Variants in CAMTA1 observed in about 807,000 individuals in gnomAD.
CAMTA1 encodes calmodulin-binding transcription activator 1.
CAMTA1 carries 27 observed loss-of-function variants against 170.9 expected under a neutral mutation model. That is an observed-to-expected ratio of 0.16 (90% CI 0.12 to 0.22). The LOEUF is 0.22. Among genes scored for constraint, CAMTA1 ranks in the 10% least tolerant of loss-of-function variants. The pLI, the probability that CAMTA1 is intolerant of heterozygous loss-of-function variation, is 1.00. For missense variants in CAMTA1, 1,619 were observed against 2,217.2 expected, an observed-to-expected ratio of 0.73 and a Z score of 5.42; for synonymous variants, 833 against 891.5, an observed-to-expected ratio of 0.93 and a Z score of 1.17.
chr1:7,136,121 C>G (rs1645529708), intron 4 of CAMTA1, among the ~76,000 whole-genome samples: 1 of 152,310 alleles, frequency 6.6e-6, no homozygotes, highest in Admixed American at 6.5e-5. Context: ...CCACACACTA[C>G]TCTGTCCATA....
intron 6 of CAMTA1, among the ~76,000 whole-genome samples, chr1:7,543,687 G>C (rs1025225370): frequency 9.2e-5 from 14 of 152,208 alleles, no homozygotes; most frequent in Admixed American, 1.3e-4. Context: ...CAATTCTGAT[G>C]ATTCAGATGA....
rs2095310025 is a variant in CAMTA1 at position 7,586,371 on chromosome 1, TC to T, written c.511-54025del. 1.3e-5 allele frequency among the ~76,000 whole-genome samples: 2 copies of T among 152,114 alleles called. 1 individual carries two copies. Among genetic ancestry groups the T allele is most frequent in the South Asian group, 4.1e-4 (2 of 4,828 alleles). Reference sequence around the variant, plus strand: ...ATCGCAGAAGGCGCCTTATCTGCGCTCCCCAGAGGCCCGAGATAAAGCCCAT... The same window carrying T: ...ATCGCAGAAGGCGCCTTATCTGCGCTCCCAGAGGCCCGAGATAAAGCCCAT... On this transcript the variant is annotated intron_variant, in intron 6 of 22. Coordinates refer to ENST00000303635, the MANE Select transcript of CAMTA1 (RefSeq NM_015215.4).
intron 3 of CAMTA1, among the ~76,000 whole-genome samples, chr1:7,080,400 C>T (rs755588682): frequency 7.9e-5 from 12 of 152,166 alleles, no homozygotes; most frequent in Admixed American, 2.0e-4. Flanking sequence ...GACCTCAATA[C>T]GGCAATTTGA....
intron 11 of CAMTA1, among the ~76,000 whole-genome samples, chr1:7,729,877 G>A (rs182388512): frequency 1.8e-4 from 27 of 152,314 alleles, no homozygotes; most frequent in African/African-American, 4.8e-4. Context: ...CGCTTTGCTC[G>A]CTAGTCTTGG....
intron 5 of CAMTA1, among the ~76,000 whole-genome samples, chr1:7,406,315 G>A (rs1258438851): frequency 6.6e-6 from 1 of 152,176 alleles, no homozygotes; most frequent in African/African-American, 2.4e-5. Flanking sequence ...GGAAGGACGA[G>A]GCTGTTTCAG....
intron 3 of CAMTA1, among the ~76,000 whole-genome samples, chr1:7,061,337 G>A (rs7414485): frequency 0.47 from 71,084 of 152,120 alleles, 17,477 homozygotes; most frequent in African/African-American, 0.62. Context: ...CCTGCTGGTC[G>A]CCAGCGCGCA....
chr1:7,493,635 C>T (rs550345456), intron 6 of CAMTA1, among the ~76,000 whole-genome samples: 1 of 37,512 alleles, frequency 2.7e-5, no homozygotes, highest in South Asian at 1.2e-3. Context: ...ATCCATCCCC[C>T]AGGGAACTGG....
At chr1:7,575,991 C>G (rs1380774529) in intron 6 of CAMTA1, among the ~76,000 whole-genome samples, 2 of 152,048 alleles carry the variant, frequency 1.3e-5, no homozygotes, top group African/African-American at 2.4e-5. Context: ...AGGCTCAGCA[C>G]TGGGGCTCAG....
intron 3 of CAMTA1, among the ~76,000 whole-genome samples, chr1:6,899,121 C>T (rs1367009164): frequency 3.3e-5 from 5 of 152,086 alleles, no homozygotes; most frequent in Non-Finnish European, 7.3e-5. Flanking sequence ...TGGAAGCGTG[C>T]CCAGTCTGTT....
intron 11 of CAMTA1, among the ~76,000 whole-genome samples, chr1:7,679,431 C>T (rs552120133): frequency 6.6e-6 from 1 of 152,316 alleles, no homozygotes; most frequent in African/African-American, 2.4e-5. Context: ...ACCCCAGAAG[C>T]TACGGCACGG....
chr1:6,917,478 A>G lies in CAMTA1; in HGVS notation c.234+92268A>G, dbSNP rs12120915. ...GTGACAGTTGGCCCAGAGTGTGGCA[A>G]TGGAGCTGGAGAGAAGTGACAGATT... On this transcript the variant is annotated intron_variant, in intron 3 of 22. Transcript: ENST00000303635. 2.1e-3 allele frequency among the ~76,000 whole-genome samples: 320 copies of G among 150,774 alleles called. 2 individuals are homozygous for G. Among genetic ancestry groups the G allele is most frequent in the Non-Finnish European group, 3.3e-3 (223 of 67,670 alleles).
intron 4 of CAMTA1, among the ~76,000 whole-genome samples, chr1:7,227,336 G>A (rs542163427): frequency 1.6e-4 from 24 of 152,106 alleles, no homozygotes; most frequent in South Asian, 1.2e-3. Context: ...ATTGTTTTTC[G>A]TTTTTGTGAG....
chr1:6,986,052 G>T (rs910086678), intron 3 of CAMTA1, among the ~76,000 whole-genome samples: 1 of 152,196 alleles, frequency 6.6e-6, no homozygotes, highest in Admixed American at 6.5e-5. Flanking sequence ...TTACAAGGTG[G>T]TTCCTCGGGA....
chr1:6,962,479 C>T (rs937148362), intron 3 of CAMTA1, among the ~76,000 whole-genome samples: 1 of 150,760 alleles, frequency 6.6e-6, no homozygotes, highest in Non-Finnish European at 1.5e-5. Context: ...CTCTCCCTGC[C>T]AGCCCCGCCC....
intron 3 of CAMTA1, among the ~76,000 whole-genome samples, chr1:7,076,607 C>T (rs1400461413): frequency 6.6e-6 from 1 of 152,134 alleles, no homozygotes; most frequent in African/African-American, 2.4e-5. Context: ...TTGACACATC[C>T]ACCAATTTTA....
intron 6 of CAMTA1, among the ~76,000 whole-genome samples, chr1:7,630,277 T>G (rs2095660561): frequency 6.6e-6 from 1 of 152,198 alleles, no homozygotes; most frequent in South Asian, 2.1e-4. Flanking sequence ...CTGTCCCCTC[T>G]TGAGGTACAT....
intron 5 of CAMTA1, among the ~76,000 whole-genome samples, chr1:7,272,692 C>CAAAAAAAAAGAAAAAA (rs1669988049): frequency 2.6e-5 from 1 of 38,802 alleles, no homozygotes; most frequent in African/African-American, 9.3e-5. Flanking sequence ...TAAACACATG[C>CAAAAAAAAAGAAAAAA]AAAAAAAAAA....
At chr1:7,608,064 C>A (rs1450311711) in intron 6 of CAMTA1, among the ~76,000 whole-genome samples, 1 of 152,192 alleles carries the variant, frequency 6.6e-6, no homozygotes, top group Non-Finnish European at 1.5e-5. Context: ...TCAACTGGGT[C>A]AAGGAGCCAA....
At chr1:7,219,157 G>C (rs1660274428) in intron 4 of CAMTA1, among the ~76,000 whole-genome samples, 1 of 152,138 alleles carries the variant, frequency 6.6e-6, no homozygotes, top group Non-Finnish European at 1.5e-5. Flanking sequence ...ACCGGCATCT[G>C]TTCAGCCAGC....
Sources: allele counts gnomAD v4.1 joint callset (sites outside exome capture counted in the v4.1 genomes callset), GRCh38; gene constraint gnomAD v4.1.1; transcripts MANE v1.5; gene names NCBI Gene and HGNC (gene_info 2026-07-23, HGNC 2026-07-21).